The following SRGAP2 variants were observed in gnomAD, a reference collection of about 807,000 sequenced individuals.
SRGAP2 encodes SLIT-ROBO Rho GTPase activating protein 2.
SRGAP2 carries 15 observed loss-of-function variants against 57.2 expected under a neutral mutation model. The observed-to-expected ratio is 0.26, with a 90% CI of 0.18 to 0.40. The LOEUF is 0.40. SRGAP2 is among the 10% of genes least tolerant of loss of function. SRGAP2 has a pLI of 1.00. For missense variants in SRGAP2, 520 were observed against 669.6 expected (o/e 0.78, Z 2.47); for synonymous variants, 249 against 248.0 (o/e 1.00, Z -0.04).
intron 3 of SRGAP2, among the ~76,000 whole-genome samples, chr1:206,307,742 TC>T (rs1672334209): frequency 6.6e-6 from 1 of 152,152 alleles, no homozygotes; most frequent in African/African-American, 2.4e-5. Context: ...GGCCGGCTGC[TC>T]CGAGTGCGGG....
chr1:206,286,282 G>T (rs1418548504), intron 2 of SRGAP2, among the ~76,000 whole-genome samples: 1 of 151,680 alleles, frequency 6.6e-6, no homozygotes, highest in Non-Finnish European at 1.5e-5. Context: ...TAGCAGAGGT[G>T]ACTAGATAAT....
chr1:206,259,182 A>G lies in SRGAP2; in HGVS notation c.68-44099A>G, dbSNP rs376476551. On this transcript the variant is annotated intron_variant, in intron 2 of 22. Coordinates refer to ENST00000573034, the MANE Select transcript of SRGAP2 (RefSeq NM_015326.5). ...TTTTTCTGCAGAAGCTGATAGGCTC[A>G]GATGAAGCTTTGCCTTATCTGTTCC... 3.4e-3 allele frequency among the ~76,000 whole-genome samples: 517 copies of G among 152,002 alleles called. 1 individual carries two copies. The highest frequency in any genetic ancestry group is 0.012 in the African/African-American group (492 of 41,356).
At chr1:206,314,551 A>G (rs1247226404) in intron 3 of SRGAP2, among the ~76,000 whole-genome samples, 1 of 152,216 alleles carries the variant, frequency 6.6e-6, no homozygotes, top group Non-Finnish European at 1.5e-5. Context: ...TGAAGCTGAA[A>G]TTTCTAGTAG....
chr1:206,205,227 AGT>A, intron 1 of SRGAP2, 200 bp from the exon 2 acceptor site: 1 of 151,298 alleles, frequency 6.6e-6, no homozygotes, highest in South Asian at 2.1e-4. Context: ...GCTGCTCCAA[AGT>A]GTTTTCTTTC....
chr1:206,440,336 A>C (rs1404552546), intron 17 of SRGAP2, among the ~76,000 whole-genome samples: 6 of 152,318 alleles, frequency 3.9e-5, no homozygotes, highest in Middle Eastern at 3.4e-3. Context: ...TAGAAGAAAA[A>C]TAAAAAAGAG....
chr1:206,333,716 A>G (rs1345485441), intron 3 of SRGAP2, among the ~76,000 whole-genome samples: 2 of 152,156 alleles, frequency 1.3e-5, no homozygotes, highest in Admixed American at 6.5e-5. Context: ...AAAACAGGTG[A>G]AGAGATTTTG....
intron 2 of SRGAP2, among the ~76,000 whole-genome samples, chr1:206,283,669 C>G (rs1264481446): frequency 6.6e-6 from 1 of 150,442 alleles, no homozygotes; most frequent in African/African-American, 2.4e-5. Flanking sequence ...AAGTGAGACT[C>G]TGTCTCAAAA....
chr1:206,287,013 A>C (rs1671066846), intron 2 of SRGAP2, among the ~76,000 whole-genome samples: 1 of 152,216 alleles, frequency 6.6e-6, no homozygotes. Flanking sequence ...CTACCACAGC[A>C]ATTCAGAACA....
rs782720393 is a variant in SRGAP2 at position 206,419,408 on chromosome 1, T to TGGCCTGGGACA, written c.1469+18_1469+28dup. On this transcript the variant is annotated intron_variant, in intron 12 of 22. Transcript: ENST00000573034. Reference sequence around the variant, plus strand: ...AGATTGCAGTCTAGCCAGGTGAGTGTGGCCTGGGACAGGCCTGGGAAGTGA... The same window carrying TGGCCTGGGACA: ...AGATTGCAGTCTAGCCAGGTGAGTGTGGCCTGGGACAGGCCTGGGACAGGCCTGGGAAGTGA... 19 of 780,708 alleles carry TGGCCTGGGACA rather than the reference T, an allele frequency of 2.4e-5. No individual in the cohort carries two copies. The highest frequency in any genetic ancestry group is 1.9e-4 in the South Asian group (14 of 74,626). The allele number at this position is 780,708 out of a possible 1,614,324, so 48.4% of individuals were successfully genotyped here. A position where few individuals can be genotyped will look rare whatever the true frequency, so the allele number is the denominator to read the frequency against.
intron 10 of SRGAP2, among the ~76,000 whole-genome samples, chr1:206,410,579 C>T (rs187125665): frequency 6.6e-6 from 1 of 152,114 alleles, no homozygotes; most frequent in Admixed American, 6.5e-5. Context: ...CTGTAAATAC[C>T]CTTTAATATG....
chr1:206,428,613 G>A (rs1381962603), intron 13 of SRGAP2, among the ~76,000 whole-genome samples: 2 of 152,074 alleles, frequency 1.3e-5, no homozygotes, highest in East Asian at 1.9e-4. Flanking sequence ...TGCCAGCTGT[G>A]TGACCATAGC....
At chr1:206,234,747 CAA>C (rs1667829299) in intron 2 of SRGAP2, among the ~76,000 whole-genome samples, 1 of 151,956 alleles carries the variant, frequency 6.6e-6, no homozygotes, top group South Asian at 2.1e-4. Context: ...CTCATGTCTG[CAA>C]AGAGGGACAG....
At chr1:206,427,445 G>A (rs919034648) in intron 13 of SRGAP2, among the ~76,000 whole-genome samples, 1 of 152,112 alleles carries the variant, frequency 6.6e-6, no homozygotes, top group East Asian at 1.9e-4. Flanking sequence ...GAGCATTTGG[G>A]TCGCTGCGAC....
At chr1:206,253,014 T>A (rs1668932645) in intron 2 of SRGAP2, among the ~76,000 whole-genome samples, 1 of 143,044 alleles carries the variant, frequency 7.0e-6, no homozygotes, top group Non-Finnish European at 1.5e-5. Context: ...CTTTGCTGTT[T>A]AAGTTGTTTG....
chr1:206,453,577 T>A, intron 20 of SRGAP2, 197 bp downstream of exon 20: 2 of 342,502 alleles, frequency 5.8e-6, no homozygotes, highest in East Asian at 4.4e-5. Flanking sequence ...AGAATTTTTT[T>A]AAATCTCTCC....
chr1:206,357,317 A>T (rs1676512690), intron 4 of SRGAP2, among the ~76,000 whole-genome samples: 1 of 150,240 alleles, frequency 6.7e-6, no homozygotes, highest in Non-Finnish European at 1.5e-5. Flanking sequence ...AAAACATAAT[A>T]AAAAGAAAAT....
At chr1:206,433,288 C>T (rs1426532874) in intron 14 of SRGAP2, among the ~76,000 whole-genome samples, 1 of 152,088 alleles carries the variant, frequency 6.6e-6, no homozygotes, top group African/African-American at 2.4e-5. Context: ...TGGCATTTCT[C>T]TTACCTTAGT....
chr1:206,391,061 T>C (rs1174942269), intron 5 of SRGAP2, among the ~76,000 whole-genome samples: 2 of 152,060 alleles, frequency 1.3e-5, no homozygotes, highest in East Asian at 3.8e-4. Flanking sequence ...AGATAATTAG[T>C]TGTTGTGGGG....
intron 13 of SRGAP2, among the ~76,000 whole-genome samples, 180 bp downstream of exon 13, chr1:206,421,454 A>G (rs2103248703): frequency 6.6e-6 from 1 of 152,336 alleles, no homozygotes; most frequent in South Asian, 2.1e-4. Context: ...AACTAGTTGG[A>G]GTGGCCATAG....
Sources: gnomAD v4.1 joint callset for allele counts (sites outside exome capture counted in the v4.1 genomes callset) on GRCh38, gnomAD v4.1.1 for gene constraint, MANE v1.5 for transcripts, NCBI Gene and HGNC (gene_info 2026-07-23, HGNC 2026-07-21) for gene names.